The following ZNF138 variants were observed in gnomAD, a reference collection of about 807,000 sequenced individuals.
The protein encoded by ZNF138 is zinc finger protein 138 (clone pHZ-32).
A neutral mutation model predicts 33.0 loss-of-function variants in ZNF138; 33 were observed. The ratio of observed to expected loss-of-function variants is 1.00; its 90% CI spans 0.76 to 1.34. ZNF138 has a LOEUF of 1.34. ZNF138 is among the 40% of genes most tolerant of loss of function. The pLI is 0.00. For synonymous variants in ZNF138, 139 were observed against 120.4 expected, an observed-to-expected ratio of 1.15 and a Z score of -1.01; for missense variants, 360 against 370.8, an observed-to-expected ratio of 0.97 and a Z score of 0.24.
At chr7:64,838,483 C>G (rs1018597696), downstream of ZNF138, among the ~76,000 whole-genome samples, 1 of 152,178 alleles carries the variant, frequency 6.6e-6, no homozygotes. Flanking sequence ...TCTACCTCTC[C>G]TGCTGGGGCT....
chr7:64,810,229 G>A (rs1008017405), intron 1 of ZNF138, among the ~76,000 whole-genome samples: 10 of 150,258 alleles, frequency 6.7e-5, no homozygotes, highest in African/African-American at 2.5e-4. Flanking sequence ...GCCGAGGCTG[G>A]TGGATCACTT....
chr7:64,839,799 T>G, the ZNF138 span, among the ~76,000 whole-genome samples: 149,908 of 152,116 alleles, frequency 0.99, 73,907 homozygotes, highest in East Asian at 1. Context: ...TCCCCTCCCG[T>G]GTTTCGGCAC....
downstream of ZNF138, chr7:64,835,548 A>C (rs1174794326): frequency 1.3e-5 from 2 of 151,698 alleles, no homozygotes; most frequent in African/African-American, 2.4e-5. Context: ...GGAATGTTTT[A>C]ACTCCTCTTG....
chr7:64,814,640 C>A lies in ZNF138; in HGVS notation c.4-278C>A, dbSNP rs1356546463. 2.6e-5 allele frequency among the ~76,000 whole-genome samples: 4 copies of A among 152,150 alleles called. 1 individual carries two copies. The highest frequency in any genetic ancestry group is 6.8e-3 in the Middle Eastern group (2 of 294). On this transcript the variant is annotated intron_variant, in intron 1 of 3. Transcript: ENST00000307355. ...AATTAACTAGACTTGGTGGTGGGCA[C>A]CTGTAATCCCAGCTACTCGGGATGC... is the stretch of plus-strand genomic sequence containing the variant.
At chr7:64,807,988 C>T (rs970787903) in intron 1 of ZNF138, among the ~76,000 whole-genome samples, 2 of 152,178 alleles carry the variant, frequency 1.3e-5, no homozygotes, top group Admixed American at 1.3e-4. Context: ...GACAGGTGAT[C>T]CAGGTTCTGG....
At chr7:64,815,746 C>A in intron 3 of ZNF138, 93 bp downstream of exon 3, 1 of 1,189,154 alleles carries the variant, frequency 8.4e-7, no homozygotes, top group Non-Finnish European at 1.2e-6. Context: ...AATCTGTATT[C>A]CAAAGGAAAT....
chr7:64,817,756 G>A (rs190924269), intron 3 of ZNF138, among the ~76,000 whole-genome samples: 78 of 151,910 alleles, frequency 5.1e-4, no homozygotes, highest in Admixed American at 9.2e-4. Context: ...CTTCATATAC[G>A]TTTTTATTTT....
chr7:64,837,122 C>A (rs111280468), downstream of ZNF138, among the ~76,000 whole-genome samples: 9,140 of 152,086 alleles, frequency 0.06, 314 homozygotes, highest in East Asian at 0.14. Flanking sequence ...AGAATTCATG[C>A]GGTATTTGAT....
chr7:64,828,242 A>T (rs1243545536), intron 3 of ZNF138, among the ~76,000 whole-genome samples: 3 of 152,118 alleles, frequency 2.0e-5, no homozygotes, highest in African/African-American at 7.2e-5. Context: ...TTTACAATCA[A>T]GTATTTTTAA....
chr7:64,831,973 T>G lies in ZNF138; in HGVS notation c.731T>G (p.Ile244Ser). 2 of 1,613,462 alleles carry G rather than the reference T, an allele frequency of 1.2e-6. No homozygotes were observed. The highest frequency in any genetic ancestry group is 1.7e-6 in the Non-Finnish European group (2 of 1,179,756). The change falls in exon 4 of 4, where the codon ATT becomes AGT. Residue 244 changes from isoleucine to serine, a missense_variant. By Grantham distance (142) the Ile-to-Ser change is moderately radical (BLOSUM62 -2). Transcript: ENST00000307355. ...QSSILTKHKIIRTGEKPYKCA... is the reference protein window; with the variant it reads ...QSSILTKHKISRTGEKPYKCA... ...TCAATCCTTACTAAACATAAGATAATTCGTACTGGAGAAAAACCCTATAAA... is the reference window on the plus strand; with the variant it reads ...TCAATCCTTACTAAACATAAGATAAGTCGTACTGGAGAAAAACCCTATAAA...
chr7:64,798,907 CTT>C (rs34358558), intron 1 of ZNF138, among the ~76,000 whole-genome samples: 60 of 130,104 alleles, frequency 4.6e-4, no homozygotes, highest in African/African-American at 1.0e-3. Flanking sequence ...TTCTATGAGC[CTT>C]TTTTTTTTTT....
rs1336639606 is a variant in ZNF138 at position 64,832,200 on chromosome 7, T to G, written c.958T>G (p.Ter320GluextTer235). ...ATGTGGCAAAGCTTTTAACCTATCT[T>G]AACAACTTACTGAACATAAGAAAAT... ...EECGKAFNLS* is the reference protein window; with the variant it reads ...EECGKAFNLSE Residue 320 changes from the stop codon to glutamate (E), a stop_lost, in exon 4 of 4, where the codon TAA becomes GAA. Transcript: ENST00000307355. 1.2e-6 allele frequency: 2 copies of G among 1,605,084 alleles called. No individual in the cohort carries two copies. The highest frequency in any genetic ancestry group is 1.3e-5 in the African/African-American group (1 of 74,428).
At chr7:64,802,442 A>C (rs1294331669) in intron 1 of ZNF138, among the ~76,000 whole-genome samples, 2 of 152,238 alleles carry the variant, frequency 1.3e-5, no homozygotes, top group African/African-American at 2.4e-5. Context: ...TTGTCTATAG[A>C]ATGTACATTT....
Position 64,794,509 on chromosome 7 carries a change from T to C in ZNF138, c.-60T>C. On this transcript the variant is annotated 5_prime_UTR_variant, in exon 1 of 4. Coordinates refer to ENST00000307355, the MANE Select transcript of ZNF138 (RefSeq NM_001271639.2). Reference sequence around the variant, plus strand: ...CCTAGAGGCCCAGCCTCTGTGGCGCTGTGATCTGGTTATTGGGAGATTCAC... The same window carrying C: ...CCTAGAGGCCCAGCCTCTGTGGCGCCGTGATCTGGTTATTGGGAGATTCAC... 1 of 1,610,596 alleles carries C rather than the reference T, an allele frequency of 6.2e-7. No individual in the cohort carries two copies. The highest frequency in any genetic ancestry group is 1.1e-5 in the South Asian group (1 of 91,044).
chr7:64,852,519 A>G, the ZNF138 span: 1 of 1,573,568 alleles, frequency 6.4e-7, no homozygotes, highest in Non-Finnish European at 8.7e-7. Context: ...CCAATAATCC[A>G]TGCTTGGTGG....
chr7:64,833,115 A>C lies in ZNF138; in HGVS notation c.*913A>C. 1 of 261,144 alleles carries C rather than the reference A, an allele frequency of 3.8e-6. No homozygotes were observed. The highest frequency in any genetic ancestry group is 7.8e-6 in the Non-Finnish European group (1 of 128,530). 16.2% of individuals were successfully genotyped at this position (261,144 alleles called of 1,614,324 possible). Reference sequence around the variant, plus strand: ...ATTCAAAGAATGTGGTAAAACTTACAATCCTCAAAACTTCTTACACCTAAA... The same window carrying C: ...ATTCAAAGAATGTGGTAAAACTTACCATCCTCAAAACTTCTTACACCTAAA... On this transcript the variant is annotated 3_prime_UTR_variant, in exon 4 of 4. Coordinates refer to ENST00000307355, the MANE Select transcript of ZNF138 (RefSeq NM_001271639.2).
chr7:64,851,457 T>C, the ZNF138 span, among the ~76,000 whole-genome samples: 14,236 of 152,148 alleles, frequency 0.094, 882 homozygotes, highest in East Asian at 0.27. Context: ...AAGGACAAAA[T>C]AATGCTAAGA....
intron 2 of ZNF138, among the ~76,000 whole-genome samples, 166 bp from the exon 3 acceptor site, chr7:64,815,410 A>G (rs905472948): frequency 6.6e-6 from 1 of 152,176 alleles, no homozygotes; most frequent in South Asian, 2.1e-4. Flanking sequence ...ATATTTTCTA[A>G]ATATTTAGAA....
At chr7:64,847,333 T>TATATATATATATATATATA in the ZNF138 span, among the ~76,000 whole-genome samples, 17 of 90,928 alleles carry the variant, frequency 1.9e-4, no homozygotes, top group African/African-American at 7.3e-4. Context: ...TATATATATA[T>TATATATATATATATATATA]TTTTTTTTTT....
Sources: gnomAD v4.1 joint callset for allele counts (sites outside exome capture counted in the v4.1 genomes callset) on GRCh38, gnomAD v4.1.1 for gene constraint, MANE v1.5 for transcripts, NCBI Gene and HGNC (gene_info 2026-07-23, HGNC 2026-07-21) for gene names.